The following WNT7B variants were observed in gnomAD, a reference collection of about 807,000 sequenced individuals.
WNT7B encodes Wnt family member 7B.
Under a neutral mutation model 38.2 loss-of-function variants are expected in WNT7B, and 19 were observed. The ratio of observed to expected loss-of-function variants is 0.50; its 90% CI spans 0.35 to 0.73. The LOEUF is 0.73. Among genes scored for constraint, WNT7B ranks in the 30% least tolerant of loss-of-function variants. The pLI is 0.01. For synonymous variants in WNT7B, 243 were observed against 209.3 expected (o/e 1.16, Z -1.39); for missense variants, 423 against 507.9 (o/e 0.83, Z 1.61).
Position 45,975,432 on chromosome 22 carries a change from C to A in WNT7B, c.71+1252G>T. On this transcript the variant is annotated intron_variant, in intron 1 of 3. Transcript: ENST00000339464. The surrounding 1 kb of genome is among the most constrained non-coding windows in gnomAD (Gnocchi z 6.6). ...CTATGATAAACGGGGCTACCGGCAG[C>A]CGCAGACACGCCCGCCCAGACCTGC... 3.1e-6 allele frequency: 2 copies of A among 641,066 alleles called. No individual in the cohort carries two copies. The highest frequency in any genetic ancestry group is 1.7e-5 in the South Asian group (1 of 58,220). 39.7% of individuals were successfully genotyped at this position (641,066 alleles called of 1,614,324 possible).
intron 1 of WNT7B, among the ~76,000 whole-genome samples, chr22:45,956,517 AC>A (rs1932065837): frequency 6.6e-6 from 1 of 152,090 alleles, no homozygotes; most frequent in Non-Finnish European, 1.5e-5. Flanking sequence ...CACTGCACCC[AC>A]CACCGATGGG....
intron 3 of WNT7B, among the ~76,000 whole-genome samples, chr22:45,929,757 C>A (rs901573055): frequency 6.6e-6 from 1 of 151,188 alleles, no homozygotes. Context: ...TCCTTTCATT[C>A]ATCTGTCTAC....
At position 45,932,956 on chromosome 22, in the gene WNT7B, G is replaced by A. The variant is rs550800366; in HGVS notation, c.299-1587C>T. Among the ~76,000 whole-genome samples, 191 of 152,342 alleles carry A rather than the reference G, an allele frequency of 1.3e-3. 1 individual carries two copies. Among genetic ancestry groups the A allele is most frequent in the Middle Eastern group, 3.4e-3 (1 of 294 alleles). ...GCCCGCAGATAGAGAGGCAAGTCAG[G>A]TCTGTTCTATGAACAACTACTGAGC... On this transcript the variant is annotated intron_variant, in intron 2 of 3. Coordinates refer to ENST00000339464, the MANE Select transcript of WNT7B (RefSeq NM_058238.3).
chr22:45,969,424 C>A (rs962626701), intron 1 of WNT7B, among the ~76,000 whole-genome samples: 3 of 152,206 alleles, frequency 2.0e-5, no homozygotes, highest in Non-Finnish European at 4.4e-5. Context: ...CTCAGCCAGG[C>A]CCCCATTGCA....
intron 2 of WNT7B, among the ~76,000 whole-genome samples, chr22:45,931,929 T>A (rs1931375392): frequency 1.3e-5 from 2 of 152,106 alleles, no homozygotes; most frequent in South Asian, 4.1e-4. Flanking sequence ...CAGGCAGAAG[T>A]CACACAGCTC....
intron 1 of WNT7B, among the ~76,000 whole-genome samples, chr22:45,959,676 C>A: frequency 6.6e-6 from 1 of 152,158 alleles, no homozygotes; most frequent in East Asian, 1.9e-4. Context: ...GCAGCAGAGA[C>A]TCCTCCCACC....
At chr22:45,957,557 G>A (rs764672853) in intron 1 of WNT7B, among the ~76,000 whole-genome samples, 15 of 151,402 alleles carry the variant, frequency 9.9e-5, no homozygotes, top group South Asian at 2.1e-4. Context: ...GGTGGTGCAC[G>A]CCTGTGATCT....
Position 45,921,377 on chromosome 22 carries a change from G to A in WNT7B, c.*1479C>T, listed in dbSNP as rs375038778. On this transcript the variant is annotated 3_prime_UTR_variant, in exon 4 of 4. Coordinates refer to ENST00000339464, the MANE Select transcript of WNT7B (RefSeq NM_058238.3). ...AGTGCAGGCCCCAATGAGGCTGTCAGGGGGTGGAGGGAGCAGCCAAGTGCC... is the reference window on the plus strand; with the variant it reads ...AGTGCAGGCCCCAATGAGGCTGTCAAGGGGTGGAGGGAGCAGCCAAGTGCC... 2.0e-5 allele frequency: 3 copies of A among 152,428 alleles called. No homozygotes were observed. The highest frequency in any genetic ancestry group is 2.9e-5 in the Non-Finnish European group (2 of 68,186). 9.4% of individuals were successfully genotyped at this position (152,428 alleles called of 1,614,324 possible).
At chr22:45,959,146 G>A (rs917563507) in intron 1 of WNT7B, among the ~76,000 whole-genome samples, 4 of 152,302 alleles carry the variant, frequency 2.6e-5, no homozygotes, top group Middle Eastern at 3.4e-3. Context: ...AGACACATGC[G>A]GGAGACACTC....
chr22:45,955,938 G>A (rs1379932675), intron 1 of WNT7B, among the ~76,000 whole-genome samples: 1 of 152,170 alleles, frequency 6.6e-6, no homozygotes, highest in Non-Finnish European at 1.5e-5. Flanking sequence ...ACAAGGAGGG[G>A]CTGCCGCCAG....
rs1037048705 is a variant in WNT7B at position 45,923,008 on chromosome 22, C to T, written c.898G>A (p.Gly300Ser). 5.0e-6 allele frequency: 8 copies of T among 1,612,856 alleles called. No individual in the cohort carries two copies. The highest frequency in any genetic ancestry group is 4.0e-5 in the African/African-American group (3 of 74,936). Residue 300 changes from glycine to serine, a missense_variant, in exon 4 of 4, where the codon GGC becomes AGC. Gly to Ser is a moderately conservative substitution (Grantham distance 56). Coordinates refer to ENST00000339464, the MANE Select transcript of WNT7B (RefSeq NM_058238.3). ...CACATGGTGTCACAGCCGTCCGCGC[C>T]GGGCGACGTGCGGTTGCAGAGACGG... ...QGRLCNRTSP[G>S]ADGCDTMCCG...
Position 45,922,604 on chromosome 22 carries a change from TG to T in WNT7B, c.*251del. On this transcript the variant is annotated 3_prime_UTR_variant, in exon 4 of 4. Transcript: ENST00000339464. The stretch of plus-strand genomic sequence containing the variant: ...CCCCGTCGGGGAGCACCAAGACCCC[TG>T]GCCTTGCTCTCTGGGTGGGTCACGG... The T allele has an allele frequency of 1.8e-6, 1 of 565,044 alleles. No individual in the cohort carries two copies. The highest frequency in any genetic ancestry group is 3.0e-6 in the Non-Finnish European group (1 of 328,246). 35.0% of individuals were successfully genotyped at this position (565,044 alleles called of 1,614,324 possible).
At chr22:45,962,900 C>A (rs1257904942) in intron 1 of WNT7B, among the ~76,000 whole-genome samples, 1 of 152,272 alleles carries the variant, frequency 6.6e-6, no homozygotes, top group East Asian at 1.9e-4. Context: ...AGAGAGCTGG[C>A]AGGCCCCATT....
intron 1 of WNT7B, among the ~76,000 whole-genome samples, chr22:45,969,051 A>G (rs568986793): frequency 6.6e-6 from 1 of 152,282 alleles, no homozygotes; most frequent in African/African-American, 2.4e-5. Flanking sequence ...CTGTCCCCAC[A>G]CGGGCCATGG....
At chr22:45,932,321 T>G (rs1488850216) in intron 2 of WNT7B, among the ~76,000 whole-genome samples, 1 of 152,086 alleles carries the variant, frequency 6.6e-6, no homozygotes, top group Non-Finnish European at 1.5e-5. Flanking sequence ...GATTATGTGG[T>G]CTTTTTGGTG....
chr22:45,924,967 G>C (rs1931036602), intron 3 of WNT7B, among the ~76,000 whole-genome samples: 1 of 149,534 alleles, frequency 6.7e-6, no homozygotes, highest in African/African-American at 2.5e-5. Flanking sequence ...GTGCTGGGTG[G>C]GCCCTAGGCT....
chr22:45,929,695 C>CCCATCCTTCCCTCCAT (rs141904678), intron 3 of WNT7B, among the ~76,000 whole-genome samples: 1 of 140,262 alleles, frequency 7.1e-6, no homozygotes, highest in Admixed American at 7.0e-5. Context: ...CTTCCATCCA[C>CCCATCCTTCCCTCCAT]CCATCTTTCC....
intron 3 of WNT7B, among the ~76,000 whole-genome samples, chr22:45,929,535 C>CTCATCCTTCCAACCATCCTTCCACCCAT (rs1931227592): frequency 1.4e-5 from 2 of 141,048 alleles, no homozygotes; most frequent in African/African-American, 5.3e-5. Context: ...TTTCCACCCA[C>CTCATCCTTCCAACCATCCTTCCACCCAT]TCATCCTTCC....
At chr22:45,926,723 G>A (rs1931096112) in intron 3 of WNT7B, 8 of 985,244 alleles carry the variant, frequency 8.1e-6, no homozygotes, top group Non-Finnish European at 9.6e-6. Flanking sequence ...CCTGACCTGT[G>A]AGCCCCTCAG....
Sources: allele counts gnomAD v4.1 joint callset (sites outside exome capture counted in the v4.1 genomes callset), GRCh38; gene constraint gnomAD v4.1.1; non-coding constraint Gnocchi (gnomAD v3.1); transcripts MANE v1.5; gene names NCBI Gene and HGNC (gene_info 2026-07-23, HGNC 2026-07-21).